The following SLC28A3 variants were observed in gnomAD, a reference collection of about 807,000 sequenced individuals.
SLC28A3 encodes concentrative Na(+)-nucleoside cotransporter 3.
SLC28A3 carries 68 observed loss-of-function variants against 84.2 expected under a neutral mutation model. That is an observed-to-expected ratio of 0.81 (90% CI 0.66 to 0.99). SLC28A3 has a LOEUF of 0.99. Ranked by LOEUF, SLC28A3 falls within the 50% of genes least tolerant of loss-of-function variation. The pLI, the probability that SLC28A3 is intolerant of heterozygous loss-of-function variation, is 0.00. For synonymous variants in SLC28A3, 267 were observed against 303.6 expected, an observed-to-expected ratio of 0.88 and a Z score of 1.25; for missense variants, 712 against 841.5, an observed-to-expected ratio of 0.85 and a Z score of 1.90.
chr9:84,356,613 C>T, the SLC28A3 span, among the ~76,000 whole-genome samples: 1 of 152,092 alleles, frequency 6.6e-6, no homozygotes, highest in African/African-American at 2.4e-5. Context: ...AGGTGGATCA[C>T]AAGGTTAGGA....
intron 3 of SLC28A3, among the ~76,000 whole-genome samples, chr9:84,306,715 A>G (rs1463279545): frequency 1.3e-5 from 2 of 152,154 alleles, no homozygotes; most frequent in Non-Finnish European, 2.9e-5. Context: ...CTATGAGTAG[A>G]ACGTTGGATA....
the SLC28A3 span, among the ~76,000 whole-genome samples, chr9:84,356,408 C>T: frequency 5.3e-5 from 8 of 152,250 alleles, no homozygotes; most frequent in South Asian, 4.1e-4. Flanking sequence ...AGAAAGGTGA[C>T]GCACACCTGG....
In SLC28A3 at chr9:84,333,333, A is replaced by T. The variant is rs564197233; in HGVS notation, c.60+7241T>A. On this transcript the variant is annotated intron_variant, in intron 1 of 17. Coordinates refer to ENST00000376238, the MANE Select transcript of SLC28A3 (RefSeq NM_001199633.2). ...TGGGCAAAACATGGGGGAAGCGTGT[A>T]GCTTTTCATCTTGTAGCCATCTTAT... is the stretch of plus-strand genomic sequence containing the variant. 4.2e-4 allele frequency among the ~76,000 whole-genome samples: 64 copies of T among 152,304 alleles called. 1 individual carries two copies. The highest frequency in any genetic ancestry group is 1.5e-3 in the African/African-American group (62 of 41,558).
At chr9:84,297,107 C>G in intron 8 of SLC28A3, 114 bp downstream of exon 8, 1 of 719,876 alleles carries the variant, frequency 1.4e-6, no homozygotes, top group East Asian at 2.6e-5. Flanking sequence ...ACACCTCTGA[C>G]CAGCGCAGTA....
intron 1 of SLC28A3, among the ~76,000 whole-genome samples, chr9:84,313,868 G>GAAA (rs754131148): frequency 0.052 from 6,479 of 125,408 alleles, 585 homozygotes; most frequent in African/African-American, 0.19. Flanking sequence ...GACTCTACCT[G>GAAA]AAAAAAAAAA....
At chr9:84,307,445 AC>A (rs1281400112) in intron 3 of SLC28A3, among the ~76,000 whole-genome samples, 2 of 146,462 alleles carry the variant, frequency 1.4e-5, no homozygotes, top group South Asian at 2.2e-4. Flanking sequence ...AAAAAAAAAA[AC>A]AAAAACAAAA....
At chr9:84,367,622 T>C in the SLC28A3 span, among the ~76,000 whole-genome samples, 2 of 152,200 alleles carry the variant, frequency 1.3e-5, no homozygotes, top group African/African-American at 2.4e-5. Flanking sequence ...CCTCAGTATT[T>C]ATTGATTTCT....
In SLC28A3 at chr9:84,307,565, T is replaced by C. The variant is rs17087068; in HGVS notation, c.242+2064A>G. Among the ~76,000 whole-genome samples the C allele has an allele frequency of 4.7e-3, 717 of 152,336 alleles. 51 individuals are homozygous for C. The East Asian group carries it at 0.12, about 26-fold the overall frequency. On this transcript the variant is annotated intron_variant, in intron 3 of 17. Coordinates refer to ENST00000376238, the MANE Select transcript of SLC28A3 (RefSeq NM_001199633.2). ...TCATCATTATGTATGTGTGTGAATA[T>C]GTATACTGAGAGTTAGAAACAGTGC...
intron 1 of SLC28A3, among the ~76,000 whole-genome samples, chr9:84,320,388 C>T (rs572318290): frequency 3.4e-4 from 52 of 152,144 alleles, no homozygotes; most frequent in African/African-American, 1.2e-3. Context: ...TGGAAATCAC[C>T]CTTGCCAAAG....
chr9:84,291,079 TG>T (rs1825201758), intron 10 of SLC28A3, among the ~76,000 whole-genome samples: 1 of 152,186 alleles, frequency 6.6e-6, no homozygotes, highest in South Asian at 2.1e-4. Context: ...CAGAAGCTTG[TG>T]TGCAATTTTA....
At chr9:84,351,831 T>C in the SLC28A3 span, among the ~76,000 whole-genome samples, 1 of 151,774 alleles carries the variant, frequency 6.6e-6, no homozygotes, top group African/African-American at 2.4e-5. Context: ...CGTTGGAGTA[T>C]TTAGGAATAA....
chr9:84,306,607 C>T (rs1375903235), intron 3 of SLC28A3, among the ~76,000 whole-genome samples: 2 of 152,036 alleles, frequency 1.3e-5, no homozygotes, highest in Non-Finnish European at 2.9e-5. Flanking sequence ...AACCCATTAA[C>T]CTTAGTGAAA....
At chr9:84,301,093 T>C (rs1825610473) in intron 5 of SLC28A3, among the ~76,000 whole-genome samples, 1 of 152,032 alleles carries the variant, frequency 6.6e-6, no homozygotes, top group African/African-American at 2.4e-5. Context: ...CTGACACCTA[T>C]AATCCCAGCA....
At chr9:84,353,069 A>G in the SLC28A3 span, among the ~76,000 whole-genome samples, 1 of 152,056 alleles carries the variant, frequency 6.6e-6, no homozygotes, top group Non-Finnish European at 1.5e-5. Flanking sequence ...AGGTCAAGCC[A>G]TTGGGTCAGA....
intron 6 of SLC28A3, among the ~76,000 whole-genome samples, chr9:84,298,960 G>A (rs1825521873): frequency 6.6e-6 from 1 of 152,130 alleles, no homozygotes; most frequent in East Asian, 1.9e-4. Context: ...CCCTCAGCAG[G>A]GCAAAGAACT....
rs753403872 is a variant in SLC28A3, at chr9:84,279,252, A to C, written c.1949+13T>G. The C allele has an allele frequency of 1.3e-6, 2 of 1,598,218 alleles. No individual in the cohort carries two copies. The highest frequency in any genetic ancestry group is 2.7e-5 in the African/African-American group (2 of 73,962). ...AATGGAGTATAAAGAAATTATAATC[A>C]AGAATACAATACCTGCTCAACAGAC... On this transcript the variant is annotated intron_variant, in intron 17 of 17. Transcript: ENST00000376238.
chr9:84,358,664 C>T, the SLC28A3 span, among the ~76,000 whole-genome samples: 4 of 152,160 alleles, frequency 2.6e-5, no homozygotes, highest in African/African-American at 4.8e-5. Flanking sequence ...TTTTTCTCCT[C>T]AGGGCCTAGC....
At chr9:84,334,289 ACT>A (rs1470448346) in intron 1 of SLC28A3, among the ~76,000 whole-genome samples, 1 of 152,152 alleles carries the variant, frequency 6.6e-6, no homozygotes, top group Non-Finnish European at 1.5e-5. Context: ...ACAGAGCGAG[ACT>A]CTGTCTCAAA....
chr9:84,327,038 A>T (rs1338057869), intron 1 of SLC28A3, among the ~76,000 whole-genome samples: 1 of 148,770 alleles, frequency 6.7e-6, no homozygotes, highest in Non-Finnish European at 1.5e-5. Flanking sequence ...CCCAAAAAAC[A>T]TAGCACCTCA....
Sources: allele counts gnomAD v4.1 joint callset (sites outside exome capture counted in the v4.1 genomes callset), GRCh38; gene constraint gnomAD v4.1.1; transcripts MANE v1.5; gene names NCBI Gene and HGNC (gene_info 2026-07-23, HGNC 2026-07-21).